The following AGTPBP1 variants were observed in gnomAD, a reference collection of about 807,000 sequenced individuals.
AGTPBP1 encodes the protein cytosolic carboxypeptidase 1.
AGTPBP1 carries 70 observed loss-of-function variants against 143.9 expected under a neutral mutation model. The ratio of observed to expected loss-of-function variants is 0.49; its 90% confidence interval spans 0.40 to 0.59. AGTPBP1 has a LOEUF of 0.59. Among genes scored for constraint, AGTPBP1 ranks in the 20% least tolerant of loss-of-function variants. The pLI is 0.00. For missense variants in AGTPBP1, 1,229 were observed against 1,464.5 expected, an observed-to-expected ratio of 0.84 and a Z score of 2.62; for synonymous variants, 463 against 500.2, an observed-to-expected ratio of 0.93 and a Z score of 0.99.
intron 2 of AGTPBP1, among the ~76,000 whole-genome samples, chr9:85,710,924 T>C (rs1182711968): frequency 6.6e-6 from 1 of 152,184 alleles, no homozygotes; most frequent in Non-Finnish European, 1.5e-5. Flanking sequence ...AAATAATGCC[T>C]AATTCCTTTC....
chr9:85,550,131 T>A (rs6559872), intron 25 of AGTPBP1, among the ~76,000 whole-genome samples: 1 of 151,192 alleles, frequency 6.6e-6, no homozygotes, highest in Non-Finnish European at 1.5e-5. Context: ...CAAAGAGGAG[T>A]AAGTTAGCGG....
At chr9:85,786,375 T>C in the AGTPBP1 span, 6 of 1,613,942 alleles carry the variant, frequency 3.7e-6, no homozygotes, top group African/African-American at 6.7e-5. Context: ...TTACAAAATC[T>C]CAGTCGACTG....
At chr9:85,629,054 T>C (rs916293626) in intron 14 of AGTPBP1, among the ~76,000 whole-genome samples, 7 of 152,172 alleles carry the variant, frequency 4.6e-5, no homozygotes, top group African/African-American at 1.7e-4. Flanking sequence ...TTGTGTTTGT[T>C]TCCTTCAGCT....
chr9:85,741,437 GAGAAAGGGCTGAGC>G, intron 1 of AGTPBP1: 4 of 985,264 alleles, frequency 4.1e-6, no homozygotes, highest in Middle Eastern at 5.2e-4. Context: ...TCGGGCCCGA[GAGAAAGGGCTGAGC>G]AGAAAGGGCG....
the AGTPBP1 span, among the ~76,000 whole-genome samples, chr9:85,760,542 A>G: frequency 1.3e-5 from 2 of 152,260 alleles, no homozygotes; most frequent in Admixed American, 6.5e-5. Context: ...CAATAGATGC[A>G]GAAAAGGCCT....
intron 3 of AGTPBP1, among the ~76,000 whole-genome samples, chr9:85,686,171 GT>G (rs200917714): frequency 6.6e-6 from 1 of 151,044 alleles, no homozygotes; most frequent in Non-Finnish European, 1.5e-5. Context: ...CAAACTGGAT[GT>G]TTTTTTTTAA....
In AGTPBP1 at chr9:85,677,525, T is replaced by C. The variant is rs1834906966; in HGVS notation, c.347A>G (p.Gln116Arg). ...VTKGGSQILL[Q>R]LLMNASKESP... Reference sequence around the variant, plus strand: ...TTCTTTGCTGGCATTCATAAGTAACTGCAACAATATTTGTGAACCACCTTT... The same window carrying C: ...TTCTTTGCTGGCATTCATAAGTAACCGCAACAATATTTGTGAACCACCTTT... The change falls in exon 6 of 26, where the codon CAG (glutamine) becomes CGG (arginine). Residue 116 changes from glutamine to arginine, a missense_variant. Physicochemically the swap from Gln to Arg is conservative, Grantham distance 43. This residue lies in a region of AGTPBP1 where 743 missense variants were observed against 812.2 expected (regional missense o/e 0.91). Transcript: ENST00000357081. 5.6e-6 allele frequency: 9 copies of C among 1,602,478 alleles called. No homozygotes were observed. The highest frequency in any genetic ancestry group is 7.7e-6 in the Non-Finnish European group (9 of 1,174,502).
At chr9:85,684,482 T>C (rs1018826938) in intron 3 of AGTPBP1, among the ~76,000 whole-genome samples, 6 of 151,952 alleles carry the variant, frequency 3.9e-5, no homozygotes, top group Non-Finnish European at 8.8e-5. Context: ...TAAATACACT[T>C]TTTATTATTC....
In AGTPBP1 at chr9:85,741,786, G is replaced by C; in HGVS notation, c.-45C>G. On this transcript the variant is annotated 5_prime_UTR_variant, in exon 1 of 26. Transcript: ENST00000357081. Reference sequence around the variant, plus strand: ...AGCAGGGCGCTCACCGGCTCAGGATGGGGCGCTGGCGGGGACCGCGCAGAG... The same window carrying C: ...AGCAGGGCGCTCACCGGCTCAGGATCGGGCGCTGGCGGGGACCGCGCAGAG... 1 of 1,352,348 alleles carries C rather than the reference G, an allele frequency of 7.4e-7. No individual in the cohort carries two copies. The highest frequency in any genetic ancestry group is 9.5e-7 in the Non-Finnish European group (1 of 1,054,366). 83.8% of individuals were successfully genotyped at this position (1,352,348 alleles called of 1,614,324 possible).
chr9:85,652,992 G>A (rs1474720216), intron 11 of AGTPBP1, among the ~76,000 whole-genome samples: 1 of 152,172 alleles, frequency 6.6e-6, no homozygotes, highest in Non-Finnish European at 1.5e-5. Flanking sequence ...ACACATATTT[G>A]GGGGTCAGAA....
intron 17 of AGTPBP1, among the ~76,000 whole-genome samples, chr9:85,607,123 TTG>T (rs1049748013): frequency 6.6e-6 from 1 of 152,030 alleles, no homozygotes; most frequent in Non-Finnish European, 1.5e-5. Context: ...CCTGACTTGA[TTG>T]TGACACATTC....
chr9:85,592,812 GT>G, intron 18 of AGTPBP1, 108 bp from the exon 19 acceptor site: 1 of 1,320,750 alleles, frequency 7.6e-7, no homozygotes, highest in Non-Finnish European at 1.1e-6. Flanking sequence ...ACCCGAGTCT[GT>G]AAAAAGTGTA....
intron 25 of AGTPBP1, among the ~76,000 whole-genome samples, chr9:85,571,944 A>G (rs916498763): frequency 4.6e-5 from 7 of 151,320 alleles, no homozygotes; most frequent in Admixed American, 2.6e-4. Flanking sequence ...AGAAAGAGCT[A>G]CAGTAAAATC....
At chr9:85,739,881 C>T (rs1167205302) in intron 1 of AGTPBP1, among the ~76,000 whole-genome samples, 1 of 150,066 alleles carries the variant, frequency 6.7e-6, no homozygotes, top group Non-Finnish European at 1.5e-5. Flanking sequence ...GGCGTGGTGA[C>T]GCGCGCCTAT....
At chr9:85,561,377 G>T (rs1465097598) in intron 25 of AGTPBP1, among the ~76,000 whole-genome samples, 2 of 146,322 alleles carry the variant, frequency 1.4e-5, no homozygotes, top group Admixed American at 1.4e-4. Flanking sequence ...ACAGAGTGAG[G>T]CTCCATCTCA....
intron 25 of AGTPBP1, 88 bp downstream of exon 25, chr9:85,575,227 T>C: frequency 1.0e-6 from 1 of 955,276 alleles, no homozygotes; most frequent in South Asian, 2.5e-5. Flanking sequence ...TGCTCTTGCC[T>C]GTCAAAATTT....
At chr9:85,804,263 T>G in the AGTPBP1 span, among the ~76,000 whole-genome samples, 1 of 152,064 alleles carries the variant, frequency 6.6e-6, no homozygotes, top group Non-Finnish European at 1.5e-5. Context: ...ATACCTGGAG[T>G]CTTTGCTCTT....
chr9:85,670,147 G>A (rs568563266), intron 7 of AGTPBP1, among the ~76,000 whole-genome samples: 1 of 152,144 alleles, frequency 6.6e-6, no homozygotes, highest in East Asian at 1.9e-4. Context: ...ATGTGGCTCT[G>A]GACACAGGAA....
At chr9:85,656,622 G>C (rs1291748601) in intron 10 of AGTPBP1, among the ~76,000 whole-genome samples, 2 of 151,740 alleles carry the variant, frequency 1.3e-5, no homozygotes, top group African/African-American at 4.8e-5. Context: ...AAAGAGAGGG[G>C]GTTGCATTGC....
Sources: allele counts gnomAD v4.1 joint callset (sites outside exome capture counted in the v4.1 genomes callset), GRCh38; gene constraint gnomAD v4.1.1; regional missense constraint gnomAD v4.1.1; transcripts MANE v1.5; gene names NCBI Gene and HGNC (gene_info 2026-07-23, HGNC 2026-07-21).